The following RAB36 variants were observed in gnomAD, a reference collection of about 807,000 sequenced individuals.
RAB36 encodes the protein RAB36, member RAS oncogene family.
Under a neutral mutation model 39.3 loss-of-function variants are expected in RAB36, and 33 were observed. The observed-to-expected ratio is 0.84, with a 90% CI of 0.64 to 1.12. The LOEUF is 1.12. Ranked by LOEUF, RAB36 falls within the 50% of genes most tolerant of loss-of-function variation. RAB36 has a pLI of 0.00. For synonymous variants in RAB36, 133 were observed against 140.2 expected (o/e 0.95, Z 0.36); for missense variants, 308 against 355.3 (o/e 0.87, Z 1.07).
chr22:23,165,350 G>A lies in RAB36; in HGVS notation c.*3786G>A, dbSNP rs987110003. On this transcript the variant is annotated 3_prime_UTR_variant, in exon 11 of 11. Transcript: ENST00000263116. ...CTCCTTGGTGGCCAGGGACAGTTGT[G>A]CCTCATCCCTCACTTGCAAACCCCA... Among the ~76,000 whole-genome samples, 1 of 152,206 alleles carries A rather than the reference G, an allele frequency of 6.6e-6. No homozygotes were observed. Among genetic ancestry groups the A allele is most frequent in the African/African-American group, 2.4e-5 (1 of 41,452 alleles).
In RAB36 at chr22:23,159,711, A is replaced by G. The variant is rs184120073; in HGVS notation, c.619+458A>G. On this transcript the variant is annotated intron_variant, in intron 9 of 10. Transcript: ENST00000263116. ...CTGGCCCTGAAATGCCAGGCATGTG[A>G]CATCACCTGGCATAGAGAAGGGCCC... Among the ~76,000 whole-genome samples the G allele has an allele frequency of 1.7e-3, 253 of 152,304 alleles. 2 individuals are homozygous for G. Among genetic ancestry groups the G allele is most frequent in the African/African-American group, 4.5e-3 (187 of 41,554 alleles).
rs943596069 is a variant in RAB36, at chr22:23,165,371, C to T, written c.*3807C>T. On this transcript the variant is annotated 3_prime_UTR_variant, in exon 11 of 11. Coordinates refer to ENST00000263116, the MANE Select transcript of RAB36 (RefSeq NM_004914.5). ...TTGTGCCTCATCCCTCACTTGCAAA[C>T]CCCAGTCCTGTCTGACCCAGAGACC... is the stretch of plus-strand genomic sequence containing the variant. 6.6e-6 allele frequency among the ~76,000 whole-genome samples: 1 copy of T among 152,210 alleles called. No homozygotes were observed.
At chr22:23,147,504 A>AT (rs551248740) in intron 2 of RAB36, among the ~76,000 whole-genome samples, 255 of 151,662 alleles carry the variant, frequency 1.7e-3, no homozygotes, top group Non-Finnish European at 3.0e-3. Context: ...CTAATTTTTA[A>AT]TTTTTTTTAA....
rs4820541 is a variant in RAB36, at chr22:23,162,218, C to T, written c.*654C>T. The T allele has an allele frequency of 0.25, 51,309 of 205,194 alleles. 7,003 individuals carry two copies. Among genetic ancestry groups the T allele is most frequent in the East Asian group, 0.36 (2,638 of 7,264 alleles). 12.7% of individuals were successfully genotyped at this position (205,194 alleles called of 1,614,324 possible). On this transcript the variant is annotated 3_prime_UTR_variant, in exon 11 of 11. Transcript: ENST00000263116. ...TCTTAGACCTGTTCTGGCTGAAGGG[C>T]TATCTCTGGCACCTCTGAGATCCCT... is the stretch of plus-strand genomic sequence containing the variant.
At chr22:23,152,572 G>C (rs767492542) in intron 4 of RAB36, 46 bp downstream of exon 4, 1 of 1,579,480 alleles carries the variant, frequency 6.3e-7, no homozygotes, top group Non-Finnish European at 8.7e-7. Flanking sequence ...CCAGCACCAG[G>C]TTGTCATACC....
downstream of RAB36, among the ~76,000 whole-genome samples, chr22:23,165,823 C>G (rs2072035934): frequency 6.6e-6 from 1 of 152,220 alleles, no homozygotes; most frequent in African/African-American, 2.4e-5. Flanking sequence ...GCTTGGGCTT[C>G]CTCACAGTGT....
At position 23,152,526 on chromosome 22, in the gene RAB36, G is replaced by A; in HGVS notation, c.227G>A (p.Arg76Lys). The change falls in exon 4 of 11, where the codon AGG (arginine) becomes AAG (lysine). Residue 76 changes from arginine (R) to lysine (K), a missense_variant and splice_region_variant. Arg to Lys is a conservative substitution (Grantham distance 26). Transcript: ENST00000263116. Reference sequence around the variant, plus strand: ...GTGGGGAAGACCAGCCTCATCCACAGGTACAAGGCTTCCTCTGCCCCTTTG... The same window carrying A: ...GTGGGGAAGACCAGCCTCATCCACAAGTACAAGGCTTCCTCTGCCCCTTTG... ...LYVGKTSLIH[R>K]FCKNVFDRDY... 1 of 1,614,084 alleles carries A rather than the reference G, an allele frequency of 6.2e-7. No homozygotes were observed. The highest frequency in any genetic ancestry group is 8.5e-7 in the Non-Finnish European group (1 of 1,179,936).
At chr22:23,148,040 G>A (rs1477441804) in intron 2 of RAB36, among the ~76,000 whole-genome samples, 2 of 152,168 alleles carry the variant, frequency 1.3e-5, no homozygotes, top group South Asian at 4.1e-4. Context: ...GGTGCAGAGG[G>A]ATAGATCCTC....
downstream of RAB36, among the ~76,000 whole-genome samples, chr22:23,166,543 C>T (rs1288538880): frequency 6.6e-6 from 1 of 152,100 alleles, no homozygotes; most frequent in Non-Finnish European, 1.5e-5. Context: ...CCTGCTTTAG[C>T]CTCTCCAGCT....
chr22:23,156,005 G>T lies in RAB36; in HGVS notation c.367G>T (p.Ala123Ser). 1 of 1,612,758 alleles carries T rather than the reference G, an allele frequency of 6.2e-7. No individual in the cohort carries two copies. The highest frequency in any genetic ancestry group is 1.1e-5 in the South Asian group (1 of 90,814). ...TAGQEKFKCI[A>S]SAYYRGAQVI... Reference sequence around the variant, plus strand: ...TGGGCAGGAGAAGTTCAAGTGCATCGCATCTGCCTACTACCGGGGTGCCCA... The same window carrying T: ...TGGGCAGGAGAAGTTCAAGTGCATCTCATCTGCCTACTACCGGGGTGCCCA... The change falls in exon 6 of 11, where the codon GCA becomes TCA. Residue 123 changes from alanine (A) to serine (S), a missense_variant. Coordinates refer to ENST00000263116, the MANE Select transcript of RAB36 (RefSeq NM_004914.5).
At chr22:23,152,578 A>G (rs2071216606) in intron 4 of RAB36, 52 bp downstream of exon 4, 3 of 1,561,316 alleles carry the variant, frequency 1.9e-6, no homozygotes, top group South Asian at 2.2e-5. Context: ...CCAGGTTGTC[A>G]TACCTTTGCC....
intron 6 of RAB36, among the ~76,000 whole-genome samples, chr22:23,157,256 T>G (rs1408016112): frequency 2.7e-5 from 1 of 36,726 alleles, no homozygotes; most frequent in African/African-American, 1.1e-4. Context: ...ACTAACAGGT[T>G]TTTTTTTTTT....
chr22:23,148,233 G>A (rs1025064578), intron 2 of RAB36, among the ~76,000 whole-genome samples: 2 of 152,134 alleles, frequency 1.3e-5, no homozygotes, highest in Admixed American at 6.6e-5. Context: ...CAGACCTGTG[G>A]ACAGTTCCCC....
intron 6 of RAB36, among the ~76,000 whole-genome samples, chr22:23,156,619 C>T (rs1034958721): frequency 2.0e-5 from 3 of 152,228 alleles, no homozygotes; most frequent in Non-Finnish European, 4.4e-5. Flanking sequence ...GTGAGAGAAC[C>T]TCAAAAGTAT....
Position 23,157,982 on chromosome 22 carries a change from G to T in RAB36, c.395-10G>T. 6.2e-7 allele frequency: 1 copy of T among 1,614,166 alleles called. No individual in the cohort carries two copies. The highest frequency in any genetic ancestry group is 8.5e-7 in the Non-Finnish European group (1 of 1,180,008). ...CACTGATTGGCTGTTGGCTTTTTCCGGGTGTCTAGTGATCATCACGGCCTT... is the reference window on the plus strand; with the variant it reads ...CACTGATTGGCTGTTGGCTTTTTCCTGGTGTCTAGTGATCATCACGGCCTT... On this transcript the variant is annotated splice_polypyrimidine_tract_variant and intron_variant, in intron 6 of 10. Transcript: ENST00000263116.
intron 8 of RAB36, 24 bp downstream of exon 8, chr22:23,159,003 C>G (rs1451966605): frequency 3.1e-6 from 5 of 1,611,162 alleles, no homozygotes; most frequent in Non-Finnish European, 4.2e-6. Flanking sequence ...CACTGGTGGT[C>G]TGGGTGGCCC....
rs769317774 is a variant in RAB36, at chr22:23,152,516, C to G, written c.217C>G (p.Leu73Val). Residue 73 changes from leucine to valine, a missense_variant, in exon 4 of 11, where the codon CTC (leucine) becomes GTC (valine). Leu to Val is a conservative substitution (Grantham distance 32, BLOSUM62 1). Transcript: ENST00000263116. ...CGATCTCTACGTGGGGAAGACCAGC[C>G]TCATCCACAGGTACAAGGCTTCCTC... ...VGDLYVGKTS[L>V]IHRFCKNVFD... 1.2e-6 allele frequency: 2 copies of G among 1,614,154 alleles called. No homozygotes were observed. The highest frequency in any genetic ancestry group is 1.7e-6 in the Non-Finnish European group (2 of 1,180,012).
intron 5 of RAB36, 105 bp from the exon 6 acceptor site, chr22:23,155,863 C>G (rs1438450716): frequency 9.9e-7 from 1 of 1,014,422 alleles, no homozygotes; most frequent in Non-Finnish European, 1.4e-6. Context: ...GCAGCTGGCA[C>G]AGGCCCTTAG....
At chr22:23,168,520 C>T (rs1005197001), downstream of RAB36, among the ~76,000 whole-genome samples, 7 of 152,216 alleles carry the variant, frequency 4.6e-5, no homozygotes, top group African/African-American at 1.4e-4. Context: ...AGACACCTGC[C>T]GCTTCAGGCA....
Sources: gnomAD v4.1 joint callset for allele counts (sites outside exome capture counted in the v4.1 genomes callset) on GRCh38, gnomAD v4.1.1 for gene constraint, MANE v1.5 for transcripts, NCBI Gene and HGNC (gene_info 2026-07-23, HGNC 2026-07-21) for gene names.